Variants in HVCN1 observed in about 807,000 individuals in gnomAD.
HVCN1 encodes hydrogen voltage gated channel 1.
A neutral mutation model predicts 29.2 loss-of-function variants in HVCN1; 14 were observed. The ratio of observed to expected loss-of-function variants is 0.48; its 90% CI spans 0.32 to 0.75. The LOEUF is 0.75. Among genes scored for constraint, HVCN1 ranks in the 30% least tolerant of loss-of-function variants. The pLI is 0.04. For missense variants in HVCN1, 263 were observed against 341.8 expected (o/e 0.77, Z 1.82); for synonymous variants, 131 against 133.2 (o/e 0.98, Z 0.11).
At position 110,658,604 on chromosome 12, in the gene HVCN1, G is replaced by C. The variant is rs1242696464; in HGVS notation, c.306+2560C>G. Among the ~76,000 whole-genome samples, 1 of 152,124 alleles carries C rather than the reference G, an allele frequency of 6.6e-6. No homozygotes were observed. Among genetic ancestry groups the C allele is most frequent in the South Asian group, 2.1e-4 (1 of 4,824 alleles). ...GGGCTCACTCCTGCTCAGCATGCAGGTGTCACCTCCTTCGACTCCAGTCCC... is the reference window on the plus strand; with the variant it reads ...GGGCTCACTCCTGCTCAGCATGCAGCTGTCACCTCCTTCGACTCCAGTCCC... On this transcript the variant is annotated intron_variant, in intron 4 of 7. Transcript: ENST00000242607. The surrounding 1 kb of genome is among the most constrained non-coding windows in gnomAD (Gnocchi z 5.0).
In HVCN1 at chr12:110,651,416, G is replaced by A. The variant is rs771575756; in HGVS notation, c.444C>T (p.Val148=). The A allele has an allele frequency of 7.4e-6, 12 of 1,613,672 alleles. No homozygotes were observed. In the African/African-American group the frequency reaches 1.1e-4, roughly 14 times the overall value. The change falls in exon 6 of 8, where the codon GTC becomes GTT. Residue 148 remains valine, a synonymous_variant. Coordinates refer to ENST00000242607, the MANE Select transcript of HVCN1 (RefSeq NM_032369.4). ...VFHYMSITIL[V]FFMMEIIFKL... is the part of the protein sequence containing the mutation. ...TAAAGATGATCTCCATCATAAAAAA[G>A]ACCAAGATGGTGATGCTCATGTAGT... is the stretch of plus-strand genomic sequence containing the variant.
chr12:110,674,066 G>T (rs2068669098), intron 3 of HVCN1, among the ~76,000 whole-genome samples: 1 of 152,246 alleles, frequency 6.6e-6, no homozygotes, highest in Non-Finnish European at 1.5e-5. Context: ...GCAGCCAGGA[G>T]GTGGGTTATA....
Position 110,655,228 on chromosome 12 carries a change from C to A in HVCN1, c.411+6G>T, listed in dbSNP as rs776422730. On this transcript the variant is annotated splice_donor_region_variant and intron_variant, in intron 5 of 7. Coordinates refer to ENST00000242607, the MANE Select transcript of HVCN1 (RefSeq NM_032369.4). ...GTAAGACCCCAGAAGAGCTGTCAAC[C>A]CCTACCATGGCAGCATAGTTATTCT... The A allele has an allele frequency of 1.9e-6, 3 of 1,605,026 alleles. No homozygotes were observed. Among genetic ancestry groups the A allele is most frequent in the South Asian group, 2.2e-5 (2 of 90,920 alleles).
At chr12:110,649,938 C>T (rs538996167) in intron 7 of HVCN1, among the ~76,000 whole-genome samples, 23 of 152,308 alleles carry the variant, frequency 1.5e-4, no homozygotes, top group African/African-American at 4.6e-4. Flanking sequence ...CTCCACCTCC[C>T]GGGTTCAAGC....
chr12:110,680,292 G>A (rs1318795257), intron 3 of HVCN1, among the ~76,000 whole-genome samples: 1 of 152,024 alleles, frequency 6.6e-6, no homozygotes, highest in Non-Finnish European at 1.5e-5. Flanking sequence ...AGTTCCCCAA[G>A]GTGTGTCCCT....
At chr12:110,663,219 T>A (rs1204635429) in intron 3 of HVCN1, among the ~76,000 whole-genome samples, 1 of 152,120 alleles carries the variant, frequency 6.6e-6, no homozygotes, top group Non-Finnish European at 1.5e-5. Flanking sequence ...TCTGAATGAT[T>A]TAGTGATTCT....
Position 110,661,262 on chromosome 12 carries a change from C to T in HVCN1, c.208G>A (p.Ala70Thr), listed in dbSNP as rs1351430284. The T allele has an allele frequency of 1.2e-6, 2 of 1,614,192 alleles. No individual in the cohort carries two copies. Among genetic ancestry groups the T allele is most frequent in the South Asian group, 2.2e-5 (2 of 91,080 alleles). ...GGGGCAGGGGCAACGTCAGGGGCTG[C>T]AGCTCTGCCTTCCTCGCCTGAGACT... ...TPVSGEEGRA[A>T]APDVAPAPGP... Residue 70 changes from alanine (A) to threonine (T), a missense_variant, in exon 4 of 8, where the codon GCA (alanine) becomes ACA (threonine). Around this residue, in one of 3 missense-constraint regions of HVCN1, gnomAD observed 157 missense variants for 181.3 expected, o/e 0.87. Coordinates refer to ENST00000242607, the MANE Select transcript of HVCN1 (RefSeq NM_032369.4). The surrounding 1 kb of genome is among the most constrained non-coding windows in gnomAD (Gnocchi z 6.2).
At chr12:110,662,796 C>T (rs868781846) in intron 3 of HVCN1, among the ~76,000 whole-genome samples, 1 of 152,140 alleles carries the variant, frequency 6.6e-6, no homozygotes, top group African/African-American at 2.4e-5. Context: ...ACTGCCCCCC[C>T]ACACACACCC....
At chr12:110,682,667 A>G (rs1270691307) in intron 3 of HVCN1, 1 of 157,906 alleles carries the variant, frequency 6.3e-6, no homozygotes, top group African/African-American at 2.4e-5. Flanking sequence ...TAATCTTTTC[A>G]CTATTTTCCA....
At chr12:110,692,016 C>T (rs894329921), upstream of HVCN1, among the ~76,000 whole-genome samples, 1 of 152,214 alleles carries the variant, frequency 6.6e-6, no homozygotes, top group African/African-American at 2.4e-5. Context: ...AATACTGCTA[C>T]TGCTCAGGCA....
Position 110,676,264 on chromosome 12 carries a change from C to T in HVCN1, c.21+6961G>A, listed in dbSNP as rs565549595. On this transcript the variant is annotated intron_variant, in intron 3 of 7. Transcript: ENST00000242607. This position sits in a 1 kb window ranked among gnomAD's most constrained non-coding sequence, Gnocchi z 4.1. ...ACCCCCTGCCTCACTTGGAGGCTGT[C>T]GCAGCTCCTCTCTGCTCTCTCCTTC... Among the ~76,000 whole-genome samples the T allele has an allele frequency of 1.0e-3, 153 of 152,340 alleles. No individual in the cohort carries two copies. The highest frequency in any genetic ancestry group is 3.2e-3 in the African/African-American group (131 of 41,572).
intron 2 of HVCN1, among the ~76,000 whole-genome samples, chr12:110,687,263 C>T (rs191156358): frequency 2.7e-5 from 4 of 150,008 alleles, no homozygotes; most frequent in South Asian, 2.1e-4. Flanking sequence ...CCACACCCCC[C>T]CCCCCCAGCT....
intron 1 of HVCN1, among the ~76,000 whole-genome samples, chr12:110,703,229 AAT>A (rs1259458263): frequency 6.3e-5 from 9 of 142,218 alleles, no homozygotes; most frequent in African/African-American, 1.9e-4. Flanking sequence ...AAAAAAAAAA[AAT>A]TAAAAATTAG....
rs1298488498 is a variant in HVCN1, at chr12:110,661,381, A to G, written c.89T>C (p.Val30Ala). The G allele has an allele frequency of 7.4e-6, 12 of 1,613,906 alleles. No homozygotes were observed. The highest frequency in any genetic ancestry group is 9.3e-6 in the Non-Finnish European group (11 of 1,180,004). ...CCAGGCATGGTAGTCGTCTCCCACG[A>G]CCGTGAAGTGCCTTAAGAACTTGCT... ...RMSKFLRHFT[V>A]VGDDYHAWNI... is the part of the protein sequence containing the mutation. The change falls in exon 4 of 8, where the codon GTC becomes GCC. Residue 30 changes from valine (V) to alanine (A), a missense_variant. Physicochemically the swap from Val to Ala is moderately conservative, Grantham distance 64 (BLOSUM62 0). Around this residue, in one of 3 missense-constraint regions of HVCN1, gnomAD observed 157 missense variants for 181.3 expected, o/e 0.87. Transcript: ENST00000242607. This position sits in a 1 kb window ranked among gnomAD's most constrained non-coding sequence, Gnocchi z 6.2.
chr12:110,683,927 GAA>G (rs543302185), intron 2 of HVCN1, among the ~76,000 whole-genome samples: 1 of 111,948 alleles, frequency 8.9e-6, no homozygotes, highest in Non-Finnish European at 2.0e-5. Flanking sequence ...AAAAAAAAAG[GAA>G]AAAAAAAAAG....
intron 3 of HVCN1, among the ~76,000 whole-genome samples, chr12:110,675,154 G>A (rs1166807347): frequency 6.6e-6 from 1 of 152,144 alleles, no homozygotes; most frequent in Non-Finnish European, 1.5e-5. Flanking sequence ...TGTTCATGTA[G>A]CGTTGTTAAA....
chr12:110,658,459 A>G lies in HVCN1; in HGVS notation c.306+2705T>C, dbSNP rs1049221474. Among the ~76,000 whole-genome samples the G allele has an allele frequency of 2.0e-5, 3 of 151,930 alleles. No homozygotes were observed. Among genetic ancestry groups the G allele is most frequent in the African/African-American group, 2.4e-5 (1 of 41,322 alleles). The stretch of plus-strand genomic sequence containing the variant: ...CCTTCCCTGGCCTCTTCTCTTGCCA[A>G]TTGCCTGCTGGCAACACCCATACCC... On this transcript the variant is annotated intron_variant, in intron 4 of 7. Coordinates refer to ENST00000242607, the MANE Select transcript of HVCN1 (RefSeq NM_032369.4). The surrounding 1 kb of genome is among the most constrained non-coding windows in gnomAD (Gnocchi z 5.0).
Position 110,683,239 on chromosome 12 carries a change from T to C in HVCN1, c.7A>G (p.Thr3Ala). Reference sequence around the variant, plus strand: ...GAATCCATTACCTTTTCGTCCCAGGTGGCCATGTCCCTGTTGCCTCTGGAT... The same window carrying C: ...GAATCCATTACCTTTTCGTCCCAGGCGGCCATGTCCCTGTTGCCTCTGGAT... MATWDEKAVTRRA... is the reference protein window; with the variant it reads MAAWDEKAVTRRA... Residue 3 changes from threonine to alanine, a missense_variant, in exon 3 of 8, where the codon ACC becomes GCC. Thr to Ala is a moderately conservative substitution (Grantham distance 58). Transcript: ENST00000242607. 1 of 1,611,912 alleles carries C rather than the reference T, an allele frequency of 6.2e-7. No individual in the cohort carries two copies. Among genetic ancestry groups the C allele is most frequent in the Non-Finnish European group, 8.5e-7 (1 of 1,179,380 alleles).
At chr12:110,673,193 A>G (rs2068641004) in intron 3 of HVCN1, among the ~76,000 whole-genome samples, 1 of 152,150 alleles carries the variant, frequency 6.6e-6, no homozygotes. Context: ...TCAGATGGAG[A>G]TGAGGAACTT....
Sources: allele counts gnomAD v4.1 joint callset (sites outside exome capture counted in the v4.1 genomes callset), GRCh38; gene constraint gnomAD v4.1.1; regional missense constraint gnomAD v4.1.1; non-coding constraint Gnocchi (gnomAD v3.1); transcripts MANE v1.5; gene names NCBI Gene and HGNC (gene_info 2026-07-23, HGNC 2026-07-21).